ANKRD42: variants seen among roughly 807,000 people sequenced by gnomAD.
ANKRD42 encodes ankyrin repeat domain 42, also known as ankyrin repeat domain-containing protein 42.
In ANKRD42, 43 loss-of-function variants were observed where a neutral mutation model predicts 51.5. The observed-to-expected ratio is 0.83, with a 90% confidence interval of 0.65 to 1.08. The LOEUF is 1.08. Among genes scored for constraint, ANKRD42 ranks in the 50% least tolerant of loss-of-function variants. ANKRD42 has a pLI of 0.00. For missense variants in ANKRD42, 608 were observed against 629.3 expected (o/e 0.97, Z 0.36); for synonymous variants, 203 against 213.0 (o/e 0.95, Z 0.41).
rs1246594475 is a variant in ANKRD42 at position 83,225,024 on chromosome 11, G to A, written c.756G>A (p.Glu252=). The A allele has an allele frequency of 2.5e-6, 4 of 1,612,758 alleles. No homozygotes were observed. In the East Asian group the frequency reaches 8.9e-5, roughly 36 times the overall value. ...QNILQFIQGA[E]YEGKDLEDQE... ...TTTTACAGTTTATCCAGGGGGCTGA[G>A]TATGAAGGAAAAGACCTAGAGGATC... Residue 252 remains glutamate (E), a synonymous_variant, in exon 6 of 11, where the codon GAG becomes GAA. Transcript: ENST00000533342.
intron 11 of ANKRD42, among the ~76,000 whole-genome samples, chr11:83,254,077 C>A (rs1227260477): frequency 6.6e-6 from 1 of 152,162 alleles, no homozygotes; most frequent in Non-Finnish European, 1.5e-5. Context: ...CAGGCTCAAG[C>A]AATCCTCCAG....
chr11:83,209,898 G>A (rs557631334), intron 3 of ANKRD42: 152 of 422,792 alleles, frequency 3.6e-4, no homozygotes, highest in East Asian at 8.4e-4. Flanking sequence ...TCTGTATCCA[G>A]AATACACTTG....
chr11:83,196,614 T>A (rs1861666881), intron 1 of ANKRD42, among the ~76,000 whole-genome samples: 1 of 152,236 alleles, frequency 6.6e-6, no homozygotes, highest in South Asian at 2.1e-4. Context: ...TTCCACAGGT[T>A]CCTATGAATA....
At chr11:83,206,456 G>T (rs1457355770) in intron 3 of ANKRD42, among the ~76,000 whole-genome samples, 2 of 152,188 alleles carry the variant, frequency 1.3e-5, no homozygotes, top group South Asian at 4.1e-4. Flanking sequence ...CTGAATGTTT[G>T]TGTCCTCCAA....
intron 1 of ANKRD42, among the ~76,000 whole-genome samples, chr11:83,197,723 A>G (rs1861713308): frequency 1.3e-5 from 2 of 152,220 alleles, no homozygotes; most frequent in African/African-American, 4.8e-5. Flanking sequence ...CTGGTTCACA[A>G]TGCTTATTAA....
At chr11:83,257,343 G>A, downstream of ANKRD42, 1 of 454,680 alleles carries the variant, frequency 2.2e-6, no homozygotes, top group South Asian at 1.6e-5. Flanking sequence ...CTGGCTCCAA[G>A]AGAGTCATAA....
chr11:83,202,906 C>T (rs1160135591), intron 2 of ANKRD42, among the ~76,000 whole-genome samples: 1 of 151,578 alleles, frequency 6.6e-6, no homozygotes, highest in Non-Finnish European at 1.5e-5. Context: ...TCTCATGTTG[C>T]TGAATTTGTT....
chr11:83,216,199 C>G lies in ANKRD42; in HGVS notation c.586+4769C>G, dbSNP rs1027380089. 1.6e-4 allele frequency among the ~76,000 whole-genome samples: 25 copies of G among 152,320 alleles called. 1 individual carries two copies. The highest frequency in any genetic ancestry group is 5.9e-5 in the Non-Finnish European group (4 of 68,032). On this transcript the variant is annotated intron_variant, in intron 5 of 10. Coordinates refer to ENST00000533342, the MANE Select transcript of ANKRD42 (RefSeq NM_001300975.2). ...CTCATACTGGAGTTATCACACACCA[C>G]AGTTACATTATTGGAGTATTCTAGG...
chr11:83,234,242 A>T (rs1390845216), intron 7 of ANKRD42, among the ~76,000 whole-genome samples: 1 of 152,188 alleles, frequency 6.6e-6, no homozygotes. Flanking sequence ...TGGTCATATA[A>T]AAGTTGACAT....
downstream of ANKRD42, among the ~76,000 whole-genome samples, chr11:83,257,042 G>A (rs1156494645): frequency 1.3e-5 from 2 of 152,128 alleles, no homozygotes; most frequent in African/African-American, 2.4e-5. Flanking sequence ...ACTATAGATT[G>A]AAAGCCACAG....
downstream of ANKRD42, chr11:83,261,896 G>C (rs370521192): frequency 9.1e-5 from 145 of 1,586,290 alleles, no homozygotes; most frequent in Non-Finnish European, 1.2e-4. Context: ...AGCCACAGCA[G>C]GATGAGCATT....
At chr11:83,251,943 A>G (rs554178716), downstream of ANKRD42, among the ~76,000 whole-genome samples, 5 of 152,350 alleles carry the variant, frequency 3.3e-5, no homozygotes, top group African/African-American at 9.6e-5. Flanking sequence ...ATCAAAGATT[A>G]TATGAACAGA....
intron 9 of ANKRD42, among the ~76,000 whole-genome samples, chr11:83,242,567 G>GTTTTTT (rs539259244): frequency 8.7e-5 from 10 of 115,520 alleles, no homozygotes; most frequent in East Asian, 2.5e-4. Context: ...TGGTAGTTAA[G>GTTTTTT]TTTTTTTTTT....
chr11:83,251,346 C>T (rs772778860), downstream of ANKRD42, among the ~76,000 whole-genome samples: 22 of 152,204 alleles, frequency 1.4e-4, no homozygotes, highest in African/African-American at 4.6e-4. Context: ...TTACTTTACC[C>T]GCAGTACTGA....
rs1230639648 is a variant in ANKRD42 at position 83,193,966 on chromosome 11, C to T, written c.-705C>T. 3 of 456,234 alleles carry T rather than the reference C, an allele frequency of 6.6e-6. No individual in the cohort carries two copies. The highest frequency in any genetic ancestry group is 3.1e-5 in the South Asian group (2 of 64,558). 28.3% of individuals were successfully genotyped at this position (456,234 alleles called of 1,614,324 possible). ...GGAAAGAAAATGTGAAGAGAGCGAC[C>T]GCCGCTCCAGGGTCGCTGCAGGAAG... is the stretch of plus-strand genomic sequence containing the variant. On this transcript the variant is annotated 5_prime_UTR_variant, in exon 1 of 11. Coordinates refer to ENST00000533342, the MANE Select transcript of ANKRD42 (RefSeq NM_001300975.2).
chr11:83,194,011 T>C lies in ANKRD42; in HGVS notation c.-660T>C, dbSNP rs1423916109. 3 of 456,414 alleles carry C rather than the reference T, an allele frequency of 6.6e-6. No homozygotes were observed. Among genetic ancestry groups the C allele is most frequent in the Non-Finnish European group, 1.3e-5 (3 of 226,796 alleles). 28.3% of individuals were successfully genotyped at this position (456,414 alleles called of 1,614,324 possible). Reference sequence around the variant, plus strand: ...AGGAAGCCTAAGTGCAGACGCCGGCTTCTCCCGCAGTGACTTGAGAAGGGT... The same window carrying C: ...AGGAAGCCTAAGTGCAGACGCCGGCCTCTCCCGCAGTGACTTGAGAAGGGT... On this transcript the variant is annotated 5_prime_UTR_variant, in exon 1 of 11. Coordinates refer to ENST00000533342, the MANE Select transcript of ANKRD42 (RefSeq NM_001300975.2).
chr11:83,194,725 C>G lies in ANKRD42; in HGVS notation c.55C>G (p.Pro19Ala). 1.3e-6 allele frequency: 2 copies of G among 1,586,938 alleles called. No homozygotes were observed. Among genetic ancestry groups the G allele is most frequent in the Admixed American group, 3.7e-5 (2 of 54,364 alleles). Residue 19 changes from proline to alanine, a missense_variant, in exon 1 of 11, where the codon CCC (proline) becomes GCC (alanine). Pro to Ala is a conservative substitution (Grantham distance 27). Coordinates refer to ENST00000533342, the MANE Select transcript of ANKRD42 (RefSeq NM_001300975.2). ...PSTSSRETAN[P>A]CSRKKVHFGS... ...CACTTCCTCTAGGGAGACTGCAAAC[C>G]CCTGTGAGTCAGACTGTCATTGGCC...
intron 2 of ANKRD42, among the ~76,000 whole-genome samples, chr11:83,203,391 T>G (rs1032966432): frequency 1.3e-5 from 2 of 150,594 alleles, no homozygotes; most frequent in Non-Finnish European, 1.5e-5. Context: ...CCTTTTTTTC[T>G]TTCTTTTTTT....
downstream of ANKRD42, chr11:83,261,032 C>A (rs1863903937): frequency 6.6e-6 from 1 of 152,098 alleles, no homozygotes; most frequent in Non-Finnish European, 1.5e-5. Context: ...ATAATCAGAG[C>A]TCAATATTTA....
Sources: gnomAD v4.1 joint callset for allele counts (sites outside exome capture counted in the v4.1 genomes callset) on GRCh38, gnomAD v4.1.1 for gene constraint, MANE v1.5 for transcripts, NCBI Gene and HGNC (gene_info 2026-07-23, HGNC 2026-07-21) for gene names.